BTBD16: variants seen among roughly 807,000 people sequenced by gnomAD.
BTBD16 encodes the protein BTB/POZ domain-containing protein 16.
A neutral mutation model predicts 67.4 loss-of-function variants in BTBD16; 66 were observed. That is an observed-to-expected ratio of 0.98 (90% CI 0.80 to 1.20). BTBD16 has a LOEUF of 1.20. Among genes scored for constraint, BTBD16 ranks in the 50% most tolerant of loss-of-function variants. BTBD16 has a pLI of 0.00. For missense variants in BTBD16, 634 were observed against 616.0 expected, an observed-to-expected ratio of 1.03 and a Z score of -0.31; for synonymous variants, 242 against 236.4, an observed-to-expected ratio of 1.02 and a Z score of -0.22.
intron 10 of BTBD16, among the ~76,000 whole-genome samples, chr10:122,321,321 T>C (rs2096435015): frequency 6.6e-6 from 1 of 152,224 alleles, no homozygotes. Context: ...AACATATGCC[T>C]GCATGTGTCT....
intron 10 of BTBD16, among the ~76,000 whole-genome samples, chr10:122,310,087 C>G (rs2096411137): frequency 2.0e-5 from 3 of 152,166 alleles, no homozygotes; most frequent in African/African-American, 7.2e-5. Flanking sequence ...TTATGTAGCT[C>G]AGTTCTTCTC....
chr10:122,308,970 C>T (rs1187238781), intron 10 of BTBD16, among the ~76,000 whole-genome samples: 1 of 152,178 alleles, frequency 6.6e-6, no homozygotes, highest in Non-Finnish European at 1.5e-5. Flanking sequence ...GGCCACCCAC[C>T]AGAGCTGCTC....
intron 12 of BTBD16, chr10:122,331,848 A>C (rs2096455654): frequency 6.5e-6 from 1 of 154,344 alleles, no homozygotes; most frequent in South Asian, 2.0e-4. Context: ...TGTAATATGC[A>C]AGCCACAGTG....
chr10:122,307,432 G>GT (rs1370680904), intron 10 of BTBD16, 124 bp downstream of exon 10: 10 of 1,007,562 alleles, frequency 9.9e-6, no homozygotes, highest in South Asian at 2.0e-5. Flanking sequence ...AGAGGGCACT[G>GT]TTTTTTTAAT....
At chr10:122,316,343 C>A (rs1178404131) in intron 10 of BTBD16, among the ~76,000 whole-genome samples, 1 of 152,152 alleles carries the variant, frequency 6.6e-6, no homozygotes, top group East Asian at 1.9e-4. Context: ...CATTGGTGGG[C>A]AAACACAGAT....
intron 10 of BTBD16, among the ~76,000 whole-genome samples, chr10:122,317,664 C>CA (rs55680223): frequency 0.51 from 77,184 of 150,856 alleles, 19,944 homozygotes; most frequent in East Asian, 0.64. Flanking sequence ...CACAAAAAAA[C>CA]AAAAAAAACA....
chr10:122,291,053 A>G (rs1380908943), intron 6 of BTBD16, 27 bp from the exon 7 acceptor site: 3 of 1,600,902 alleles, frequency 1.9e-6, no homozygotes, highest in Non-Finnish European at 2.6e-6. Context: ...CCCCACACAG[A>G]TGGCTCGCTT....
intron 3 of BTBD16, among the ~76,000 whole-genome samples, chr10:122,279,368 G>T (rs1426941417): frequency 6.6e-6 from 1 of 151,928 alleles, no homozygotes; most frequent in Non-Finnish European, 1.5e-5. Flanking sequence ...AGTACCAGCT[G>T]CTTGGGAGAC....
intron 10 of BTBD16, among the ~76,000 whole-genome samples, chr10:122,324,338 A>G (rs544870583): frequency 6.6e-6 from 1 of 152,274 alleles, no homozygotes; most frequent in South Asian, 2.1e-4. Context: ...GGAAACTTTT[A>G]AGGAGAGCTT....
At chr10:122,333,997 T>G (rs1258001805) in intron 13 of BTBD16, among the ~76,000 whole-genome samples, 1 of 152,148 alleles carries the variant, frequency 6.6e-6, no homozygotes, top group Non-Finnish European at 1.5e-5. Context: ...TTTTTTTAAC[T>G]CAGGTTGATA....
At chr10:122,323,895 A>G (rs2096439768) in intron 10 of BTBD16, among the ~76,000 whole-genome samples, 1 of 152,136 alleles carries the variant, frequency 6.6e-6, no homozygotes, top group Admixed American at 6.5e-5. Flanking sequence ...AGCTCTTAGG[A>G]TCAAGGGCAA....
rs546109905 is a variant in BTBD16 at position 122,308,870 on chromosome 10, C to T, written c.911+1562C>T. On this transcript the variant is annotated intron_variant, in intron 10 of 15. Coordinates refer to ENST00000260723, the MANE Select transcript of BTBD16 (RefSeq NM_144587.5). Reference sequence around the variant, plus strand: ...TCTCCCAAATGCATCTCCTGAGCCCCGGGCTCCTTCACCTGGGGGTCTGCT... The same window carrying T: ...TCTCCCAAATGCATCTCCTGAGCCCTGGGCTCCTTCACCTGGGGGTCTGCT... Among the ~76,000 whole-genome samples, 11 of 152,302 alleles carry T rather than the reference C, an allele frequency of 7.2e-5. No homozygotes were observed. The East Asian group carries it at 1.4e-3, about 19-fold the overall frequency.
intron 9 of BTBD16, among the ~76,000 whole-genome samples, chr10:122,306,169 C>G (rs2096403396): frequency 6.6e-6 from 1 of 152,128 alleles, no homozygotes. Flanking sequence ...TGCTGAACTG[C>G]TGACTTGAAG....
chr10:122,320,078 T>C (rs2096432874), intron 10 of BTBD16, among the ~76,000 whole-genome samples: 1 of 152,160 alleles, frequency 6.6e-6, no homozygotes, highest in African/African-American at 2.4e-5. Context: ...TAGAACTCAA[T>C]TGTACTTCTA....
At chr10:122,337,916 C>A in intron 15 of BTBD16, 101 bp from the exon 16 acceptor site, 3 of 926,778 alleles carry the variant, frequency 3.2e-6, no homozygotes, top group Non-Finnish European at 5.0e-6. Flanking sequence ...AGTTGAGAGC[C>A]AGCATTTTCT....
intron 10 of BTBD16, among the ~76,000 whole-genome samples, chr10:122,316,454 G>A (rs1003416939): frequency 1.3e-5 from 2 of 152,090 alleles, no homozygotes; most frequent in African/African-American, 4.8e-5. Flanking sequence ...GCATTGTTAG[G>A]CTGTTTCATC....
At chr10:122,303,764 G>C in intron 9 of BTBD16, 2 of 416,518 alleles carry the variant, frequency 4.8e-6, no homozygotes, top group Non-Finnish European at 6.4e-6. Flanking sequence ...ACATGGTACA[G>C]CCCATAGAGG....
chr10:122,317,188 AT>A (rs2096426770), intron 10 of BTBD16, among the ~76,000 whole-genome samples: 1 of 152,196 alleles, frequency 6.6e-6, no homozygotes, highest in Non-Finnish European at 1.5e-5. Context: ...TTACTTTATA[AT>A]TTTTTTAATT....
chr10:122,321,010 C>T (rs1321262134), intron 10 of BTBD16, among the ~76,000 whole-genome samples: 1 of 152,106 alleles, frequency 6.6e-6, no homozygotes, highest in Non-Finnish European at 1.5e-5. Flanking sequence ...CTCCCTCCCT[C>T]CCCACTCTAG....
Sources: gnomAD v4.1 joint callset for allele counts (sites outside exome capture counted in the v4.1 genomes callset) on GRCh38, gnomAD v4.1.1 for gene constraint, MANE v1.5 for transcripts, NCBI Gene and HGNC (gene_info 2026-07-23, HGNC 2026-07-21) for gene names.